The following FBXO15 variants were observed in gnomAD, a reference collection of about 807,000 sequenced individuals.
FBXO15 encodes F-box protein 15.
In FBXO15, 30 loss-of-function variants were observed where a neutral mutation model predicts 49.5. The observed-to-expected ratio is 0.61, with a 90% CI of 0.45 to 0.82. The LOEUF is 0.82. FBXO15 is among the 40% of genes least tolerant of loss of function. The probability of loss-of-function intolerance (pLI) is 0.00; values close to 1 mark genes in which losing one functional copy is unlikely to be tolerated. For synonymous variants in FBXO15, 250 were observed against 232.7 expected, an observed-to-expected ratio of 1.07 and a Z score of -0.68; for missense variants, 591 against 631.5, an observed-to-expected ratio of 0.94 and a Z score of 0.69.
chr18:74,145,429 A>C (rs1442205737), intron 1 of FBXO15, among the ~76,000 whole-genome samples: 1 of 152,186 alleles, frequency 6.6e-6, no homozygotes, highest in Non-Finnish European at 1.5e-5. Flanking sequence ...AAGAAACTTA[A>C]GGTCCCAAGC....
rs1912234689 is a variant in FBXO15, at chr18:74,075,807, C to G, written c.1264-2077G>C. On this transcript the variant is annotated intron_variant, in intron 9 of 9. Coordinates refer to ENST00000419743, the MANE Select transcript of FBXO15 (RefSeq NM_001142958.2). This position sits in a 1 kb window ranked among gnomAD's most constrained non-coding sequence, Gnocchi z 4.1. ...CTACCCACTCCCATTGCTGAGGTTC[C>G]TACAGCTTGGTCCTAGGCCCTATTT... Among the ~76,000 whole-genome samples the G allele has an allele frequency of 6.6e-6, 1 of 152,170 alleles. No individual in the cohort carries two copies. The highest frequency in any genetic ancestry group is 1.5e-5 in the Non-Finnish European group (1 of 68,020).
intron 1 of FBXO15, among the ~76,000 whole-genome samples, chr18:74,146,172 T>C (rs887265954): frequency 6.6e-5 from 10 of 152,254 alleles, no homozygotes; most frequent in African/African-American, 2.2e-4. Flanking sequence ...GCCAACTTAA[T>C]ACGCTTTCTG....
intron 6 of FBXO15, among the ~76,000 whole-genome samples, chr18:74,125,658 G>A (rs1914675741): frequency 6.6e-6 from 1 of 152,202 alleles, no homozygotes; most frequent in Non-Finnish European, 1.5e-5. Flanking sequence ...TGGACTGATT[G>A]GAAGTGGGAA....
At chr18:74,101,984 A>C (rs1474562534) in intron 8 of FBXO15, among the ~76,000 whole-genome samples, 1 of 152,192 alleles carries the variant, frequency 6.6e-6, no homozygotes, top group African/African-American at 2.4e-5. Context: ...TCAAAGACTT[A>C]AACCTAAGGC....
At chr18:74,115,062 G>A (rs760978849) in intron 8 of FBXO15, among the ~76,000 whole-genome samples, 12 of 152,066 alleles carry the variant, frequency 7.9e-5, no homozygotes, top group Non-Finnish European at 1.5e-4. Flanking sequence ...GAGGACCTAC[G>A]GTCCTCCTAA....
In FBXO15 at chr18:74,119,927, C is replaced by T. The variant is rs192535662; in HGVS notation, c.1138+3441G>A. Among the ~76,000 whole-genome samples the T allele has an allele frequency of 9.2e-5, 14 of 152,260 alleles. 1 individual carries two copies. The highest frequency in any genetic ancestry group is 3.3e-4 in the Admixed American group (5 of 15,294). Reference sequence around the variant, plus strand: ...CATCTCACCTCATCTCTGTGGAAATCGCATCTTGTTCCCCCATTTCCCAGG... The same window carrying T: ...CATCTCACCTCATCTCTGTGGAAATTGCATCTTGTTCCCCCATTTCCCAGG... On this transcript the variant is annotated intron_variant, in intron 8 of 9. Transcript: ENST00000419743.
rs565543654 is a variant in FBXO15, at chr18:74,126,121, G to C, written c.786-20C>G. ...CGGAGTCTTTGAACGTTATGCCAAG[G>C]AAAGGAGAGAGAGAAGTGAGCTTTC... On this transcript the variant is annotated intron_variant, in intron 5 of 9. Transcript: ENST00000419743. 6.2e-7 allele frequency: 1 copy of C among 1,612,418 alleles called. No homozygotes were observed. The highest frequency in any genetic ancestry group is 1.3e-5 in the African/African-American group (1 of 75,004).
At chr18:74,141,693 G>A (rs75139231) in intron 1 of FBXO15, among the ~76,000 whole-genome samples, 5,212 of 152,226 alleles carry the variant, frequency 0.034, 302 homozygotes, top group African/African-American at 0.12. Context: ...ACAGAGGATG[G>A]CCCTCAACTC....
intron 8 of FBXO15, among the ~76,000 whole-genome samples, chr18:74,087,682 C>T (rs1256615806): frequency 6.6e-6 from 1 of 152,330 alleles, no homozygotes; most frequent in South Asian, 2.1e-4. Flanking sequence ...CAGATACATG[C>T]ATGTGTCTTC....
At chr18:74,108,928 G>GA (rs1568167824) in intron 8 of FBXO15, among the ~76,000 whole-genome samples, 4 of 152,140 alleles carry the variant, frequency 2.6e-5, no homozygotes, top group Middle Eastern at 3.2e-3. Context: ...AGTGTTGAGA[G>GA]AAAAAATCCA....
At chr18:74,113,364 A>G (rs1293393664) in intron 8 of FBXO15, among the ~76,000 whole-genome samples, 1 of 152,226 alleles carries the variant, frequency 6.6e-6, no homozygotes, top group Non-Finnish European at 1.5e-5. Flanking sequence ...TACTACTGTA[A>G]TAGTGAATAC....
chr18:74,125,962 A>G lies in FBXO15; in HGVS notation c.912+13T>C. ...GGGAAATGACACAGTACATACAGGGACTCAAGTCTTACCTTCCACACTCCC... is the reference window on the plus strand; with the variant it reads ...GGGAAATGACACAGTACATACAGGGGCTCAAGTCTTACCTTCCACACTCCC... On this transcript the variant is annotated intron_variant, in intron 6 of 9. Coordinates refer to ENST00000419743, the MANE Select transcript of FBXO15 (RefSeq NM_001142958.2). The G allele has an allele frequency of 6.2e-7, 1 of 1,613,744 alleles. No homozygotes were observed.
At chr18:74,141,484 G>A (rs8095589) in intron 1 of FBXO15, among the ~76,000 whole-genome samples, 13,365 of 152,218 alleles carry the variant, frequency 0.088, 1,077 homozygotes, top group African/African-American at 0.21. Flanking sequence ...TGCTTTGAAT[G>A]TGTACTTTGT....
At chr18:74,128,702 AAGAC>A (rs1163725069) in intron 5 of FBXO15, among the ~76,000 whole-genome samples, 2 of 152,192 alleles carry the variant, frequency 1.3e-5, no homozygotes, top group Non-Finnish European at 2.9e-5. Context: ...AATGATGAAA[AAGAC>A]AGCCCGAGAG....
Position 74,122,637 on chromosome 18 carries a change from A to G in FBXO15, c.1138+731T>C, listed in dbSNP as rs1387779096. 4 of 152,374 alleles carry G rather than the reference A, an allele frequency of 2.6e-5. No homozygotes were observed. The East Asian group carries it at 7.7e-4, about 29-fold the overall frequency. 9.4% of individuals were successfully genotyped at this position (152,374 alleles called of 1,614,324 possible). A position where few individuals can be genotyped will look rare whatever the true frequency, so the allele number is the denominator to read the frequency against. Reference sequence around the variant, plus strand: ...ATAATGAAGATATCTAGTGGTCACCATCTTAACCAGATGATAAAACCAGGC... The same window carrying G: ...ATAATGAAGATATCTAGTGGTCACCGTCTTAACCAGATGATAAAACCAGGC... On this transcript the variant is annotated intron_variant, in intron 8 of 9. Coordinates refer to ENST00000419743, the MANE Select transcript of FBXO15 (RefSeq NM_001142958.2).
intron 8 of FBXO15, among the ~76,000 whole-genome samples, chr18:74,091,938 T>C (rs1913045569): frequency 1.3e-5 from 2 of 152,184 alleles, no homozygotes; most frequent in Non-Finnish European, 2.9e-5. Flanking sequence ...TCTAGAGAGG[T>C]TGAGGGAATT....
Position 74,074,167 on chromosome 18 carries a change from T to C in FBXO15, c.1264-437A>G, listed in dbSNP as rs1216798000. Reference sequence around the variant, plus strand: ...TCACTGCCACCACCAGGCCGACCCCTCCCCTCTTCTGAGAAACCTGCTTCT... The same window carrying C: ...TCACTGCCACCACCAGGCCGACCCCCCCCCTCTTCTGAGAAACCTGCTTCT... On this transcript the variant is annotated intron_variant, in intron 9 of 9. Transcript: ENST00000419743. The surrounding 1 kb of genome is among the most constrained non-coding windows in gnomAD (Gnocchi z 4.7). Among the ~76,000 whole-genome samples, 1 of 152,078 alleles carries C rather than the reference T, an allele frequency of 6.6e-6. No homozygotes were observed. Among genetic ancestry groups the C allele is most frequent in the East Asian group, 1.9e-4 (1 of 5,172 alleles).
At chr18:74,085,352 T>TG (rs58636022) in intron 8 of FBXO15, among the ~76,000 whole-genome samples, 152,319 of 152,320 alleles carry the variant, frequency 1, 76,159 homozygotes, top group Non-Finnish European at 1. Flanking sequence ...CCCAGCACTT[T>TG]GGAGGCCAAG....
chr18:74,075,400 A>T lies in FBXO15; in HGVS notation c.1264-1670T>A, dbSNP rs1912219144. Among the ~76,000 whole-genome samples the T allele has an allele frequency of 6.6e-6, 1 of 152,138 alleles. No homozygotes were observed. The highest frequency in any genetic ancestry group is 2.1e-4 in the South Asian group (1 of 4,828). On this transcript the variant is annotated intron_variant, in intron 9 of 9. Transcript: ENST00000419743. The surrounding 1 kb of genome is among the most constrained non-coding windows in gnomAD (Gnocchi z 4.1). ...GCGTAGCCCATCTTGCAAAGGCATG[A>T]TGTCCCTCTCAAGTGACTACTTCTG...
Sources: allele counts gnomAD v4.1 joint callset (sites outside exome capture counted in the v4.1 genomes callset), GRCh38; gene constraint gnomAD v4.1.1; non-coding constraint Gnocchi (gnomAD v3.1); transcripts MANE v1.5; gene names NCBI Gene and HGNC (gene_info 2026-07-23, HGNC 2026-07-21).